ANK2: variants seen among roughly 807,000 people sequenced by gnomAD.
ANK2 encodes ankyrin 2.
In ANK2, 83 loss-of-function variants were observed where a neutral mutation model predicts 360.5. That is an observed-to-expected ratio of 0.23 (90% CI 0.19 to 0.28). The LOEUF (loss-of-function observed/expected upper bound fraction) is 0.28. ANK2 is among the 10% of genes least tolerant of loss of function. The probability of loss-of-function intolerance (pLI) is 1.00; values close to 1 mark genes in which losing one functional copy is unlikely to be tolerated. For synonymous variants in ANK2, 1,740 were observed against 1,759.5 expected, an observed-to-expected ratio of 0.99 and a Z score of 0.28; for missense variants, 4,201 against 4,795.7, an observed-to-expected ratio of 0.88 and a Z score of 3.66.
chr4:112,901,805 CA>C (rs570588582), intron 1 of ANK2, among the ~76,000 whole-genome samples: 170 of 150,330 alleles, frequency 1.1e-3, no homozygotes, highest in African/African-American at 3.0e-3. Flanking sequence ...GCAGAGGTTG[CA>C]GTGAGCCAAG....
intron 32 of ANK2, among the ~76,000 whole-genome samples, chr4:113,339,841 A>C (rs763268301): frequency 6.6e-6 from 1 of 152,212 alleles, no homozygotes; most frequent in African/African-American, 2.4e-5. Context: ...GTTAGCTCCC[A>C]TTCCTTTGAT....
chr4:113,104,451 T>C (rs2093363942), intron 1 of ANK2, among the ~76,000 whole-genome samples: 1 of 152,212 alleles, frequency 6.6e-6, no homozygotes. Flanking sequence ...CAGTGGCTTA[T>C]GCCTGTAATC....
intron 2 of ANK2, among the ~76,000 whole-genome samples, chr4:112,963,299 T>G (rs2035712069): frequency 6.6e-6 from 1 of 152,310 alleles, no homozygotes; most frequent in South Asian, 2.1e-4. Context: ...TTTACACCTT[T>G]AGAGCTTAAT....
At chr4:113,360,759 C>A in intron 38 of ANK2, 64 bp from the exon 39 acceptor site, 1 of 1,385,686 alleles carries the variant, frequency 7.2e-7, no homozygotes, top group South Asian at 1.2e-5. Context: ...TTGAATGAAT[C>A]AGTACTGTGG....
At chr4:112,803,781 G>A in the ANK2 span, among the ~76,000 whole-genome samples, 2 of 152,168 alleles carry the variant, frequency 1.3e-5, no homozygotes, top group South Asian at 2.1e-4. Context: ...CTTAATCTCT[G>A]TATTGTTTAG....
chr4:113,283,821 C>A (rs1336128033), intron 18 of ANK2, among the ~76,000 whole-genome samples: 1 of 152,150 alleles, frequency 6.6e-6, no homozygotes, highest in African/African-American at 2.4e-5. Flanking sequence ...TAGCTCCTTC[C>A]ATAAATATAC....
intron 22 of ANK2, 67 bp from the exon 23 acceptor site, chr4:113,302,700 G>A (rs2075565764): frequency 3.1e-6 from 4 of 1,302,832 alleles, no homozygotes; most frequent in Non-Finnish European, 2.2e-6. Context: ...GGCCTCCTAT[G>A]TGATGCTTTT....
At chr4:113,262,434 C>T (rs1201064467) in intron 13 of ANK2, among the ~76,000 whole-genome samples, 1 of 151,970 alleles carries the variant, frequency 6.6e-6, no homozygotes, top group Non-Finnish European at 1.5e-5. Context: ...CTTGCTATGT[C>T]TCCCACCCTG....
the ANK2 span, among the ~76,000 whole-genome samples, chr4:112,774,637 A>G: frequency 2.6e-5 from 4 of 152,236 alleles, no homozygotes; most frequent in South Asian, 2.1e-4. Flanking sequence ...AAGAGGACCA[A>G]TTCATGAGTT....
chr4:112,904,719 T>C (rs1236605295), intron 2 of ANK2, among the ~76,000 whole-genome samples: 1 of 152,142 alleles, frequency 6.6e-6, no homozygotes, highest in Non-Finnish European at 1.5e-5. Context: ...ATCATTGGTA[T>C]CATTTGGGAA....
At chr4:112,943,199 G>GC (rs2154248030) in intron 2 of ANK2, among the ~76,000 whole-genome samples, 1 of 152,188 alleles carries the variant, frequency 6.6e-6, no homozygotes, top group African/African-American at 2.4e-5. Flanking sequence ...GGCTTCAACA[G>GC]TTAGCTAATT....
chr4:113,066,212 C>T (rs931995796), intron 1 of ANK2, among the ~76,000 whole-genome samples: 4 of 152,130 alleles, frequency 2.6e-5, no homozygotes, highest in African/African-American at 7.2e-5. Context: ...AACACACAGG[C>T]GTGCACGTGA....
intron 1 of ANK2, among the ~76,000 whole-genome samples, chr4:113,154,821 A>G (rs977328370): frequency 2.0e-5 from 3 of 152,190 alleles, no homozygotes; most frequent in African/African-American, 7.2e-5. Context: ...CTAGATGGAC[A>G]TGCCAACTGC....
At chr4:113,292,547 T>C in intron 21 of ANK2, 33 bp downstream of exon 21, 2 of 1,547,864 alleles carry the variant, frequency 1.3e-6, no homozygotes, top group Non-Finnish European at 8.8e-7. Context: ...TCACCACGCT[T>C]TCTTCTTTTT....
At chr4:112,758,075 G>T in the ANK2 span, among the ~76,000 whole-genome samples, 3 of 68,298 alleles carry the variant, frequency 4.4e-5, no homozygotes, top group East Asian at 6.3e-3. Context: ...GGCTAATTTT[G>T]TATTTTTTTT....
chr4:113,079,035 A>G (rs1378288010), intron 1 of ANK2, among the ~76,000 whole-genome samples: 2 of 152,312 alleles, frequency 1.3e-5, no homozygotes, highest in East Asian at 1.9e-4. Context: ...AGAGACGTTG[A>G]CTTGCTCCCA....
intron 2 of ANK2, among the ~76,000 whole-genome samples, chr4:112,965,250 C>T (rs2036755195): frequency 6.6e-6 from 1 of 152,144 alleles, no homozygotes; most frequent in Non-Finnish European, 1.5e-5. Context: ...CTCTGATGAT[C>T]AATGATGTTG....
intron 2 of ANK2, among the ~76,000 whole-genome samples, chr4:113,183,112 G>T (rs1422212566): frequency 6.6e-6 from 1 of 152,100 alleles, no homozygotes; most frequent in Non-Finnish European, 1.5e-5. Context: ...GCAGGAAGTG[G>T]TGTGGGTGCC....
At chr4:113,373,032 G>A (rs1317157276) in intron 43 of ANK2, 58 bp from the exon 44 acceptor site, 22 of 1,345,842 alleles carry the variant, frequency 1.6e-5, no homozygotes, top group Non-Finnish European at 2.2e-5. Context: ...GCACTTGGGA[G>A]TAGTTCCTCA....
Sources: allele counts gnomAD v4.1 joint callset (sites outside exome capture counted in the v4.1 genomes callset), GRCh38; gene constraint gnomAD v4.1.1; transcripts MANE v1.5; gene names NCBI Gene and HGNC (gene_info 2026-07-23, HGNC 2026-07-21).